Variants in LMBR1 observed in about 807,000 individuals in gnomAD.
LMBR1 encodes the protein limb region 1 protein homolog.
A neutral mutation model predicts 73.9 loss-of-function variants in LMBR1; 52 were observed. The ratio of observed to expected loss-of-function variants is 0.70; its 90% CI spans 0.56 to 0.89. The LOEUF is 0.89. LMBR1 is among the 40% of genes least tolerant of loss of function. The pLI is 0.00. For synonymous variants in LMBR1, 215 were observed against 209.4 expected (o/e 1.03, Z -0.23); for missense variants, 539 against 579.8 (o/e 0.93, Z 0.72).
rs1239689820 is a variant in LMBR1, at chr7:156,890,122, A to G, written c.66+2806T>C. On this transcript the variant is annotated intron_variant, in intron 1 of 16. Coordinates refer to ENST00000353442, the MANE Select transcript of LMBR1 (RefSeq NM_022458.4). ...GTGACAAAAGTCCTAAATAGTGCTG[A>G]AGCAATTGGACATTCCTGTGGGAGA... Among the ~76,000 whole-genome samples the G allele has an allele frequency of 2.6e-5, 4 of 152,236 alleles. No homozygotes were observed. The East Asian group carries it at 7.7e-4, about 29-fold the overall frequency.
intron 1 of LMBR1, among the ~76,000 whole-genome samples, chr7:156,856,286 A>G (rs1169902868): frequency 6.6e-6 from 1 of 152,218 alleles, no homozygotes. Flanking sequence ...TTTGTTGCCA[A>G]TAGACTTAAT....
At chr7:156,750,326 T>G (rs1357879103) in intron 9 of LMBR1, among the ~76,000 whole-genome samples, 1 of 152,026 alleles carries the variant, frequency 6.6e-6, no homozygotes, top group African/African-American at 2.4e-5. Context: ...ATCCTCTTAA[T>G]GCTAGGAAGG....
intron 15 of LMBR1, among the ~76,000 whole-genome samples, chr7:156,722,605 T>C (rs1221525285): frequency 6.6e-6 from 1 of 152,176 alleles, no homozygotes; most frequent in Admixed American, 6.5e-5. Flanking sequence ...CGTGTTGATA[T>C]TTTGCAAAGC....
At chr7:156,877,413 C>T (rs1800340930) in intron 1 of LMBR1, among the ~76,000 whole-genome samples, 1 of 152,120 alleles carries the variant, frequency 6.6e-6, no homozygotes, top group African/African-American at 2.4e-5. Context: ...CCAGTATCAT[C>T]CTAATACCAA....
intron 8 of LMBR1, among the ~76,000 whole-genome samples, chr7:156,756,830 G>A (rs748568086): frequency 6.6e-6 from 1 of 151,900 alleles, no homozygotes; most frequent in Non-Finnish European, 1.5e-5. Context: ...TTGTTTGTTT[G>A]TTTGAGACAG....
chr7:156,820,213 T>C (rs1834538754), intron 4 of LMBR1, among the ~76,000 whole-genome samples: 1 of 152,246 alleles, frequency 6.6e-6, no homozygotes, highest in African/African-American at 2.4e-5. Flanking sequence ...CAAATTAACA[T>C]GCCACCTATC....
chr7:156,836,685 A>C, intron 2 of LMBR1, 128 bp downstream of exon 2: 1 of 552,868 alleles, frequency 1.8e-6, no homozygotes, highest in Non-Finnish European at 3.1e-6. Context: ...AGTACCAGAC[A>C]ACTGCTTACT....
chr7:156,823,472 A>G (rs536974387), intron 4 of LMBR1: 8 of 152,326 alleles, frequency 5.3e-5, no homozygotes, highest in African/African-American at 1.9e-4. Flanking sequence ...ATGAAAATTT[A>G]AAAATCCTCT....
At chr7:156,810,692 C>T (rs959235624) in intron 4 of LMBR1, among the ~76,000 whole-genome samples, 12 of 151,402 alleles carry the variant, frequency 7.9e-5, no homozygotes, top group African/African-American at 2.9e-4. Context: ...CATGCCTGGC[C>T]CTGGGAGTCA....
At chr7:156,827,266 T>TA (rs1437715371) in intron 3 of LMBR1, among the ~76,000 whole-genome samples, 1 of 152,032 alleles carries the variant, frequency 6.6e-6, no homozygotes, top group Non-Finnish European at 1.5e-5. Context: ...ATTATAGTAA[T>TA]AAAAAACAGA....
chr7:156,755,835 T>C (rs1821764534), intron 9 of LMBR1, among the ~76,000 whole-genome samples: 1 of 152,176 alleles, frequency 6.6e-6, no homozygotes, highest in Non-Finnish European at 1.5e-5. Context: ...TGATTTAAAT[T>C]CACTATTTGT....
rs1404064899 is a variant in LMBR1, at chr7:156,669,896, C to T, written n.867-609G>A. The stretch of plus-strand genomic sequence containing the variant: ...CTGTTCCAGGTGACAGGAGGGCGGG[C>T]GGTCATGGCCTAGTGCCATGAAAAT... On this transcript the variant is annotated intron_variant and non_coding_transcript_variant, in intron 4 of 4. Transcript: ENST00000430825. The surrounding 1 kb of genome is among the most constrained non-coding windows in gnomAD (Gnocchi z 4.2). 1.3e-5 allele frequency among the ~76,000 whole-genome samples: 2 copies of T among 152,022 alleles called. No individual in the cohort carries two copies. Among genetic ancestry groups the T allele is most frequent in the African/African-American group, 4.8e-5 (2 of 41,398 alleles).
chr7:156,771,279 T>C (rs1825126885), intron 5 of LMBR1, among the ~76,000 whole-genome samples: 1 of 150,900 alleles, frequency 6.6e-6, no homozygotes, highest in Admixed American at 6.6e-5. Context: ...GAAAGATCAA[T>C]GAAACCAGGA....
chr7:156,725,351 G>A lies in LMBR1; in HGVS notation c.1158+84C>T, dbSNP rs1424597267. 3 of 778,724 alleles carry A rather than the reference G, an allele frequency of 3.9e-6. No individual in the cohort carries two copies. The Admixed American group carries it at 7.4e-5, about 19-fold the overall frequency. 48.2% of individuals were successfully genotyped at this position (778,724 alleles called of 1,614,324 possible). A position where few individuals can be genotyped will look rare whatever the true frequency, so the allele number is the denominator to read the frequency against. On this transcript the variant is annotated intron_variant, in intron 14 of 16. Transcript: ENST00000353442. Reference sequence around the variant, plus strand: ...CAAACAAATACCTATCACTGCAAATGAACCATTCAGAATGACTATTAAATA... The same window carrying A: ...CAAACAAATACCTATCACTGCAAATAAACCATTCAGAATGACTATTAAATA...
intron 1 of LMBR1, among the ~76,000 whole-genome samples, chr7:156,876,176 A>G (rs62492672): frequency 0.19 from 28,452 of 152,200 alleles, 2,787 homozygotes; most frequent in South Asian, 0.21. Flanking sequence ...CTATTCTTAT[A>G]TCAGACAAAA....
intron 5 of LMBR1, among the ~76,000 whole-genome samples, chr7:156,775,022 A>G (rs1370155988): frequency 6.6e-6 from 1 of 152,182 alleles, no homozygotes; most frequent in Admixed American, 6.5e-5. Context: ...TTGAAGGTGG[A>G]CGGTGGGACA....
rs535832422 is a variant in LMBR1, at chr7:156,873,821, G to A, written c.66+19107C>T. Reference sequence around the variant, plus strand: ...CCAGAGCAGCTAGATACAGAGTGTCGATTGGTGCACTCACAAACCTTGAGC... The same window carrying A: ...CCAGAGCAGCTAGATACAGAGTGTCAATTGGTGCACTCACAAACCTTGAGC... On this transcript the variant is annotated intron_variant, in intron 1 of 16. Coordinates refer to ENST00000353442, the MANE Select transcript of LMBR1 (RefSeq NM_022458.4). Among the ~76,000 whole-genome samples, 3 of 152,164 alleles carry A rather than the reference G, an allele frequency of 2.0e-5. No individual in the cohort carries two copies. The South Asian group carries it at 6.2e-4, about 32-fold the overall frequency.
intron 15 of LMBR1, among the ~76,000 whole-genome samples, chr7:156,704,644 A>G (rs1176693580): frequency 6.6e-6 from 1 of 151,686 alleles, no homozygotes; most frequent in African/African-American, 2.4e-5. Context: ...AGCTCAAAAT[A>G]CTAATTTCAA....
At chr7:156,760,079 G>A (rs930378627) in intron 8 of LMBR1, among the ~76,000 whole-genome samples, 1 of 152,298 alleles carries the variant, frequency 6.6e-6, no homozygotes, top group Middle Eastern at 3.4e-3. Context: ...TGGAGCAGGT[G>A]ACCAGCGAAC....
Sources: allele counts gnomAD v4.1 joint callset (sites outside exome capture counted in the v4.1 genomes callset), GRCh38; gene constraint gnomAD v4.1.1; non-coding constraint Gnocchi (gnomAD v3.1); transcripts MANE v1.5; gene names NCBI Gene and HGNC (gene_info 2026-07-23, HGNC 2026-07-21).